SORCS1: variants seen among roughly 807,000 people sequenced by gnomAD.
SORCS1 encodes the protein sortilin related VPS10 domain containing receptor 1, also known as VPS10 domain-containing receptor SorCS1.
A neutral mutation model predicts 146.1 loss-of-function variants in SORCS1; 60 were observed. The observed-to-expected ratio is 0.41, with a 90% CI of 0.33 to 0.51. The LOEUF (loss-of-function observed/expected upper bound fraction) is 0.51. Ranked by LOEUF, SORCS1 falls within the 20% of genes least tolerant of loss-of-function variation. SORCS1 has a pLI of 0.21. For missense variants in SORCS1, 1,352 were observed against 1,487.6 expected, an observed-to-expected ratio of 0.91 and a Z score of 1.50; for synonymous variants, 637 against 584.0, an observed-to-expected ratio of 1.09 and a Z score of -1.31.
At chr10:106,676,737 T>TG (rs1477856847) in intron 13 of SORCS1, among the ~76,000 whole-genome samples, 1 of 152,172 alleles carries the variant, frequency 6.6e-6, no homozygotes, top group Admixed American at 6.6e-5. Flanking sequence ...CTGATGTTTA[T>TG]GGTTTCTTTG....
At chr10:106,791,801 A>G (rs1946334622) in intron 3 of SORCS1, among the ~76,000 whole-genome samples, 1 of 152,232 alleles carries the variant, frequency 6.6e-6, no homozygotes, top group Admixed American at 6.5e-5. Context: ...GCCTATCGCA[A>G]CACTAGGTTT....
intron 1 of SORCS1, among the ~76,000 whole-genome samples, chr10:107,098,574 G>A (rs1209220713): frequency 6.6e-6 from 1 of 152,154 alleles, no homozygotes; most frequent in East Asian, 1.9e-4. Context: ...TTTTCTGTCT[G>A]GGCTCAGCCA....
At chr10:107,169,051 T>A (rs552516441), upstream of SORCS1, among the ~76,000 whole-genome samples, 1 of 152,192 alleles carries the variant, frequency 6.6e-6, no homozygotes, top group Non-Finnish European at 1.5e-5. Flanking sequence ...GAGAATGTTA[T>A]AACCACTCCC....
intron 2 of SORCS1, among the ~76,000 whole-genome samples, chr10:106,897,184 T>C (rs1054804335): frequency 6.6e-6 from 1 of 151,406 alleles, no homozygotes; most frequent in Admixed American, 6.6e-5. Flanking sequence ...CCTGGCCTGT[T>C]TTGTTTGTTT....
chr10:106,770,957 C>T (rs925675583), intron 4 of SORCS1, among the ~76,000 whole-genome samples: 1 of 152,210 alleles, frequency 6.6e-6, no homozygotes, highest in African/African-American at 2.4e-5. Context: ...AAGAGCAGCC[C>T]TTCCTGCTCC....
At chr10:106,827,490 T>C (rs1948353712) in intron 3 of SORCS1, among the ~76,000 whole-genome samples, 1 of 152,232 alleles carries the variant, frequency 6.6e-6, no homozygotes, top group Non-Finnish European at 1.5e-5. Flanking sequence ...AGTTGCTGGC[T>C]TATTTCTCTT....
intron 1 of SORCS1, among the ~76,000 whole-genome samples, chr10:107,034,641 T>A (rs1589980484): frequency 8.0e-6 from 1 of 124,260 alleles, no homozygotes; most frequent in East Asian, 2.4e-4. Context: ...GATCCCACCA[T>A]TGCACTCCAG....
At chr10:106,955,463 G>T (rs1263397000) in intron 2 of SORCS1, among the ~76,000 whole-genome samples, 2 of 152,220 alleles carry the variant, frequency 1.3e-5, no homozygotes, top group Admixed American at 6.5e-5. Flanking sequence ...GGGCTAAGTG[G>T]GCAGAGCAAG....
intron 1 of SORCS1, among the ~76,000 whole-genome samples, chr10:107,008,363 T>C (rs772295264): frequency 6.6e-6 from 1 of 152,208 alleles, no homozygotes. Context: ...AACACAAATA[T>C]ACATTCTAAA....
At chr10:107,062,692 G>A (rs528513205) in intron 1 of SORCS1, among the ~76,000 whole-genome samples, 8 of 152,178 alleles carry the variant, frequency 5.3e-5, no homozygotes, top group African/African-American at 1.9e-4. Flanking sequence ...ATTGTGATCC[G>A]ATTTGCAAAG....
At chr10:106,984,102 C>T (rs1956351173) in intron 1 of SORCS1, among the ~76,000 whole-genome samples, 1 of 152,104 alleles carries the variant, frequency 6.6e-6, no homozygotes, top group Admixed American at 6.5e-5. Context: ...AGGACTTGAA[C>T]CACATATTTT....
intron 9 of SORCS1, among the ~76,000 whole-genome samples, chr10:106,696,510 C>T (rs549310760): frequency 6.6e-6 from 1 of 152,142 alleles, no homozygotes; most frequent in African/African-American, 2.4e-5. Context: ...GCTAATAAAA[C>T]AAAGACTCCT....
At chr10:106,948,456 T>C (rs1954482534) in intron 2 of SORCS1, among the ~76,000 whole-genome samples, 1 of 151,918 alleles carries the variant, frequency 6.6e-6, no homozygotes, top group Admixed American at 6.6e-5. Context: ...GGGGACTGCT[T>C]GAAGCCAGGG....
intron 1 of SORCS1, among the ~76,000 whole-genome samples, chr10:106,999,607 T>C (rs1394211379): frequency 6.6e-6 from 1 of 152,176 alleles, no homozygotes; most frequent in Non-Finnish European, 1.5e-5. Flanking sequence ...TCACTTTGAG[T>C]TGACTTACAA....
intron 2 of SORCS1, among the ~76,000 whole-genome samples, chr10:106,858,599 C>T (rs144772610): frequency 9.2e-6 from 1 of 108,880 alleles, no homozygotes; most frequent in African/African-American, 3.6e-5. Flanking sequence ...CAGAGCAAGC[C>T]TCTGTCTCAA....
chr10:107,068,962 G>A (rs889465479), intron 1 of SORCS1, among the ~76,000 whole-genome samples: 1 of 151,646 alleles, frequency 6.6e-6, no homozygotes, highest in Admixed American at 6.6e-5. Flanking sequence ...TTATATATAT[G>A]AAACCTAACT....
Position 106,960,748 on chromosome 10 carries a change from G to A in SORCS1, c.559-4168C>T, listed in dbSNP as rs1347350911. ...GCCAGTGCCCACTCACCAAGCTGCT[G>A]TTCTCAAATCACCCATTCCTTGGAG... On this transcript the variant is annotated intron_variant, in intron 1 of 25. Coordinates refer to ENST00000263054, the MANE Select transcript of SORCS1 (RefSeq NM_052918.5). The surrounding 1 kb of genome is among the most constrained non-coding windows in gnomAD (Gnocchi z 4.4). Among the ~76,000 whole-genome samples, 1 of 152,146 alleles carries A rather than the reference G, an allele frequency of 6.6e-6. No individual in the cohort carries two copies. The highest frequency in any genetic ancestry group is 6.5e-5 in the Admixed American group (1 of 15,276).
At chr10:107,144,977 T>C (rs1490208906) in intron 1 of SORCS1, among the ~76,000 whole-genome samples, 1 of 152,222 alleles carries the variant, frequency 6.6e-6, no homozygotes. Flanking sequence ...GTGTCTCTTT[T>C]AAAGAATTAA....
At chr10:107,116,645 G>A (rs1360245009) in intron 1 of SORCS1, among the ~76,000 whole-genome samples, 1 of 152,084 alleles carries the variant, frequency 6.6e-6, no homozygotes, top group East Asian at 1.9e-4. Flanking sequence ...CCAGGGACTA[G>A]GGGATGCAAG....
Sources: allele counts gnomAD v4.1 joint callset (sites outside exome capture counted in the v4.1 genomes callset), GRCh38; gene constraint gnomAD v4.1.1; non-coding constraint Gnocchi (gnomAD v3.1); transcripts MANE v1.5; gene names NCBI Gene and HGNC (gene_info 2026-07-23, HGNC 2026-07-21).